CYP19A1: variants seen among roughly 807,000 people sequenced by gnomAD.
The protein encoded by CYP19A1 is cytochrome P450 family 19 subfamily A member 1.
A neutral mutation model predicts 44.4 loss-of-function variants in CYP19A1; 32 were observed. The observed-to-expected ratio is 0.72, with a 90% CI of 0.54 to 0.97. CYP19A1 has a LOEUF of 0.97. Ranked by LOEUF, CYP19A1 falls within the 50% of genes least tolerant of loss-of-function variation. The pLI, the probability that CYP19A1 is intolerant of heterozygous loss-of-function variation, is 0.00. For missense variants in CYP19A1, 598 were observed against 637.8 expected (o/e 0.94, Z 0.67); for synonymous variants, 212 against 215.6 (o/e 0.98, Z 0.14).
chr15:51,215,551 AATGTG>A, intron 7 of CYP19A1, 147 bp downstream of exon 7: 2 of 1,487,904 alleles, frequency 1.3e-6, no homozygotes, highest in South Asian at 2.5e-5. Context: ...TGAAATATCT[AATGTG>A]TGGGCTATTT....
chr15:51,292,514 C>T (rs1472442693), intron 1 of CYP19A1, among the ~76,000 whole-genome samples: 1 of 152,238 alleles, frequency 6.6e-6, no homozygotes, highest in Non-Finnish European at 1.5e-5. Flanking sequence ...AACTGGCAAT[C>T]ATCTCTGTCA....
At chr15:51,235,435 A>C (rs1258903045) in intron 3 of CYP19A1, among the ~76,000 whole-genome samples, 1 of 152,192 alleles carries the variant, frequency 6.6e-6, no homozygotes, top group African/African-American at 2.4e-5. Context: ...ACACTTTGAA[A>C]ACTACTGCAT....
intron 1 of CYP19A1, among the ~76,000 whole-genome samples, chr15:51,304,981 C>A (rs1187226117): frequency 6.9e-6 from 1 of 144,184 alleles, no homozygotes; most frequent in Non-Finnish European, 1.5e-5. Context: ...CTTACTGGAA[C>A]CTCCGCCTTC....
intron 1 of CYP19A1, among the ~76,000 whole-genome samples, chr15:51,316,305 A>G (rs960748401): frequency 2.0e-5 from 3 of 152,238 alleles, no homozygotes; most frequent in Non-Finnish European, 2.9e-5. Context: ...CCTGGGCAAC[A>G]TAGCGAGATC....
At chr15:51,288,986 A>G (rs2035778694) in intron 1 of CYP19A1, among the ~76,000 whole-genome samples, 1 of 152,242 alleles carries the variant, frequency 6.6e-6, no homozygotes, top group African/African-American at 2.4e-5. Context: ...TCCTTCTTGC[A>G]GTGCCAAGAG....
intron 3 of CYP19A1, among the ~76,000 whole-genome samples, 192 bp from the exon 4 acceptor site, chr15:51,228,125 A>G (rs2032746569): frequency 6.6e-6 from 1 of 152,172 alleles, no homozygotes; most frequent in Admixed American, 6.5e-5. Context: ...AATCATTTCT[A>G]CCTACTGACT....
At chr15:51,235,904 T>C (rs2033364131) in intron 3 of CYP19A1, among the ~76,000 whole-genome samples, 1 of 152,248 alleles carries the variant, frequency 6.6e-6, no homozygotes, top group Admixed American at 6.5e-5. Flanking sequence ...GAGACAATGT[T>C]TGCAGATAGC....
chr15:51,309,858 C>T (rs2036280075), intron 1 of CYP19A1, among the ~76,000 whole-genome samples: 1 of 152,182 alleles, frequency 6.6e-6, no homozygotes, highest in Non-Finnish European at 1.5e-5. Flanking sequence ...CTTTATTCCA[C>T]TCGCCCATGA....
chr15:51,277,033 GAGAA>G (rs973204095), intron 1 of CYP19A1: 2 of 151,736 alleles, frequency 1.3e-5, no homozygotes, highest in African/African-American at 4.8e-5. Flanking sequence ...AAGAGAGAGA[GAGAA>G]AGAGAAAGAA....
intron 2 of CYP19A1, among the ~76,000 whole-genome samples, chr15:51,239,177 C>T (rs945120096): frequency 6.6e-6 from 1 of 152,146 alleles, no homozygotes; most frequent in African/African-American, 2.4e-5. Context: ...ATGGTGGGAG[C>T]CTCTTTCACA....
At chr15:51,334,908 A>G (rs949504529) in intron 1 of CYP19A1, among the ~76,000 whole-genome samples, 2 of 152,182 alleles carry the variant, frequency 1.3e-5, no homozygotes, top group African/African-American at 4.8e-5. Flanking sequence ...TGAGGTAGGT[A>G]AAAGCCCAGT....
At position 51,266,795 on chromosome 15, in the gene CYP19A1, C is replaced by T. The variant is rs1879399536; in HGVS notation, c.-38-23845G>A. On this transcript the variant is annotated intron_variant, in intron 1 of 9. Coordinates refer to ENST00000396402, the MANE Select transcript of CYP19A1 (RefSeq NM_000103.4). Reference sequence around the variant, plus strand: ...CAGGGCAGGGCACGGAAAGCCTTCCCTGGTCTGGTCTTCCCTTCCGCTCTT... The same window carrying T: ...CAGGGCAGGGCACGGAAAGCCTTCCTTGGTCTGGTCTTCCCTTCCGCTCTT... Among the ~76,000 whole-genome samples the T allele has an allele frequency of 1.3e-5, 2 of 152,216 alleles. 1 individual carries two copies. Among genetic ancestry groups the T allele is most frequent in the South Asian group, 4.1e-4 (2 of 4,834 alleles).
chr15:51,236,515 C>A (rs1239205167), intron 3 of CYP19A1, among the ~76,000 whole-genome samples: 1 of 151,956 alleles, frequency 6.6e-6, no homozygotes, highest in Non-Finnish European at 1.5e-5. Context: ...GTGGTTAAGA[C>A]CAAAAAACTT....
At chr15:51,241,335 G>A (rs1439665970) in intron 2 of CYP19A1, among the ~76,000 whole-genome samples, 1 of 152,206 alleles carries the variant, frequency 6.6e-6, no homozygotes, top group Non-Finnish European at 1.5e-5. Context: ...AAAGTCAGGA[G>A]CAGGGTCCAG....
chr15:51,261,937 C>G (rs543701395), intron 1 of CYP19A1, among the ~76,000 whole-genome samples: 2 of 152,312 alleles, frequency 1.3e-5, no homozygotes, highest in East Asian at 3.9e-4. Flanking sequence ...TCCCTCCTTT[C>G]CCCTTTCCTC....
rs1419799844 is a variant in CYP19A1 at position 51,209,887 on chromosome 15, G to T, written c.*921C>A. The T allele has an allele frequency of 6.2e-6, 1 of 162,078 alleles. No homozygotes were observed. Among genetic ancestry groups the T allele is most frequent in the African/African-American group, 2.4e-5 (1 of 41,486 alleles). 10.0% of individuals were successfully genotyped at this position (162,078 alleles called of 1,614,324 possible). A position where few individuals can be genotyped will look rare whatever the true frequency, so the allele number is the denominator to read the frequency against. On this transcript the variant is annotated 3_prime_UTR_variant, in exon 10 of 10. Transcript: ENST00000396402. ...GACTTTTCCTCCCCCAATCACTGAA[G>T]CTGTAGTAAGAGCAAATCAATGTCA...
At chr15:51,328,683 C>A (rs539240143) in intron 1 of CYP19A1, among the ~76,000 whole-genome samples, 4 of 152,006 alleles carry the variant, frequency 2.6e-5, no homozygotes, top group Non-Finnish European at 5.9e-5. Flanking sequence ...TATGTGTCAA[C>A]TTGACTGGGT....
chr15:51,257,491 C>T (rs953181591), intron 1 of CYP19A1, among the ~76,000 whole-genome samples: 3 of 152,186 alleles, frequency 2.0e-5, no homozygotes, highest in Admixed American at 6.5e-5. Flanking sequence ...CCCACAACCT[C>T]GAGGGCCCAG....
At chr15:51,289,927 C>T (rs893875461) in intron 1 of CYP19A1, among the ~76,000 whole-genome samples, 9 of 152,188 alleles carry the variant, frequency 5.9e-5, no homozygotes, top group Admixed American at 5.9e-4. Flanking sequence ...GCCTGAACAG[C>T]ACCCCCAACT....
Sources: gnomAD v4.1 joint callset for allele counts (sites outside exome capture counted in the v4.1 genomes callset) on GRCh38, gnomAD v4.1.1 for gene constraint, MANE v1.5 for transcripts, NCBI Gene and HGNC (gene_info 2026-07-23, HGNC 2026-07-21) for gene names.